Variants in IMPA2 observed in about 807,000 individuals in gnomAD.
IMPA2 encodes the protein inositol monophosphatase 2, also known as IMP 2.
A neutral mutation model predicts 35.1 loss-of-function variants in IMPA2; 32 were observed. The ratio of observed to expected loss-of-function variants is 0.91; its 90% CI spans 0.69 to 1.23. The LOEUF is 1.23. IMPA2 is among the 50% of genes most tolerant of loss of function. The probability of loss-of-function intolerance (pLI) is 0.00; values close to 1 mark genes in which losing one functional copy is unlikely to be tolerated. For synonymous variants in IMPA2, 135 were observed against 160.6 expected (o/e 0.84, Z 1.20); for missense variants, 334 against 387.6 (o/e 0.86, Z 1.16).
Position 12,030,546 on chromosome 18 carries a change from C to A in IMPA2, c.*88C>A. 1.0e-6 allele frequency: 1 copy of A among 972,130 alleles called. No homozygotes were observed. Among genetic ancestry groups the A allele is most frequent in the South Asian group, 1.4e-5 (1 of 72,636 alleles). The allele number at this position is 972,130 out of a possible 1,614,324, so 60.2% of individuals were successfully genotyped here. On this transcript the variant is annotated 3_prime_UTR_variant, in exon 8 of 8. Transcript: ENST00000269159. ...GGCCCTCGTGGCCCACGCTCCATGC[C>A]AGTGGCTCACGCTCTGCTCCTGGCT... is the stretch of plus-strand genomic sequence containing the variant.
chr18:12,009,351 G>T (rs1162940047), intron 2 of IMPA2, among the ~76,000 whole-genome samples: 1 of 152,190 alleles, frequency 6.6e-6, no homozygotes, highest in Non-Finnish European at 1.5e-5. Context: ...TGAACCAGCT[G>T]CGGGGGGGCT....
intron 3 of IMPA2, 121 bp from the exon 4 acceptor site, chr18:12,012,049 A>C: frequency 1.3e-6 from 1 of 798,678 alleles, no homozygotes; most frequent in Non-Finnish European, 2.1e-6. Context: ...GTTTTTAAAC[A>C]ACCAACCCAC....
rs185220265 is a variant in IMPA2, at chr18:11,993,135, A to G, written c.97-5919A>G. ...TTGTGGACCAAGACCTTTTCATACA[A>G]TACCTCATGTGATTCCTAAAACAAC... On this transcript the variant is annotated intron_variant, in intron 1 of 7. Transcript: ENST00000269159. Among the ~76,000 whole-genome samples the G allele has an allele frequency of 2.0e-3, 302 of 152,300 alleles. 5 individuals carry two copies. Among genetic ancestry groups the G allele is most frequent in the Admixed American group, 0.017 (264 of 15,302 alleles).
intron 7 of IMPA2, among the ~76,000 whole-genome samples, 182 bp from the exon 8 acceptor site, chr18:12,030,161 C>T (rs1908005889): frequency 6.6e-6 from 1 of 152,232 alleles, no homozygotes; most frequent in South Asian, 2.1e-4. Flanking sequence ...GCGGGAGAGG[C>T]TCCATCCCTC....
chr18:12,009,286 C>A (rs1364553335), intron 2 of IMPA2, among the ~76,000 whole-genome samples: 1 of 151,718 alleles, frequency 6.6e-6, no homozygotes, highest in Non-Finnish European at 1.5e-5. Context: ...TAAAAAACAA[C>A]AACAAAAAAA....
intron 2 of IMPA2, among the ~76,000 whole-genome samples, chr18:12,001,573 T>C (rs561801289): frequency 3.0e-4 from 46 of 152,306 alleles, no homozygotes; most frequent in African/African-American, 1.1e-3. Context: ...TGGTTCCATT[T>C]GTAAAAGGTA....
At chr18:12,027,879 G>A (rs1044937185) in intron 5 of IMPA2, among the ~76,000 whole-genome samples, 164 bp from the exon 6 acceptor site, 2 of 151,912 alleles carry the variant, frequency 1.3e-5, no homozygotes, top group African/African-American at 4.8e-5. Context: ...ACTGTGCCCG[G>A]TCCATCCTTA....
intron 1 of IMPA2, chr18:11,994,319 T>C (rs1906897151): frequency 6.6e-6 from 1 of 152,214 alleles, no homozygotes; most frequent in Admixed American, 6.5e-5. Flanking sequence ...AAGACTACAG[T>C]GAGCCAAGAT....
At chr18:12,017,312 C>G (rs1907605504) in intron 5 of IMPA2, among the ~76,000 whole-genome samples, 1 of 152,188 alleles carries the variant, frequency 6.6e-6, no homozygotes, top group Admixed American at 6.5e-5. Context: ...GAGCCAATCC[C>G]AGGCATCAGG....
At chr18:12,022,941 ATTTTTTTTT>A (rs35737614) in intron 5 of IMPA2, among the ~76,000 whole-genome samples, 872 of 81,720 alleles carry the variant, frequency 0.011, 7 homozygotes, top group South Asian at 0.028. Context: ...CGCCTGCCTA[ATTTTTTTTT>A]TTTTTTTTTT....
At chr18:11,982,111 C>G (rs767158059) in intron 1 of IMPA2, among the ~76,000 whole-genome samples, 1 of 152,158 alleles carries the variant, frequency 6.6e-6, no homozygotes, top group African/African-American at 2.4e-5. Context: ...ATTCAGCTCG[C>G]GGTAGGAAGC....
rs192566186 is a variant in IMPA2, at chr18:11,990,484, C to T, written c.97-8570C>T. On this transcript the variant is annotated intron_variant, in intron 1 of 7. Transcript: ENST00000269159. ...CAAAAGAGAACATAGCACCAAGGAC[C>T]TCCAAGAAATGCACTTTGGCTAAAG... 2.0e-5 allele frequency among the ~76,000 whole-genome samples: 3 copies of T among 152,242 alleles called. No individual in the cohort carries two copies. In the East Asian group the frequency reaches 5.8e-4, roughly 29 times the overall value.
chr18:12,009,047 C>T (rs1907359751), intron 2 of IMPA2, among the ~76,000 whole-genome samples: 1 of 152,178 alleles, frequency 6.6e-6, no homozygotes, highest in African/African-American at 2.4e-5. Flanking sequence ...CCTGCAGCCC[C>T]ACCCTTGCTT....
chr18:12,030,674 G>A lies in IMPA2; in HGVS notation c.*216G>A, dbSNP rs45610833. On this transcript the variant is annotated 3_prime_UTR_variant, in exon 8 of 8. Coordinates refer to ENST00000269159, the MANE Select transcript of IMPA2 (RefSeq NM_014214.3). ...TAGCTGTTTCTCTCTTTAATCTCAC[G>A]TAGCCTTTTTCAGGTTAGTACGTGT... 181 of 558,060 alleles carry A rather than the reference G, an allele frequency of 3.2e-4. No individual in the cohort carries two copies. The highest frequency in any genetic ancestry group is 4.3e-4 in the Non-Finnish European group (136 of 312,666). The allele number at this position is 558,060 out of a possible 1,614,324, so 34.6% of individuals were successfully genotyped here. A position where few individuals can be genotyped will look rare whatever the true frequency, so the allele number is the denominator to read the frequency against.
chr18:12,029,106 CTGTTT>C, intron 7 of IMPA2, 113 bp downstream of exon 7: 4 of 358,096 alleles, frequency 1.1e-5, no homozygotes, highest in Middle Eastern at 7.3e-4. Flanking sequence ...CCCAGAGTTT[CTGTTT>C]TTTTTTTTTT....
At chr18:11,982,255 AG>A (rs1168511017) in intron 1 of IMPA2, among the ~76,000 whole-genome samples, 2 of 152,204 alleles carry the variant, frequency 1.3e-5, no homozygotes, top group Non-Finnish European at 2.9e-5. Flanking sequence ...CCACGGACTC[AG>A]AGTTCAGGAG....
chr18:12,012,468 A>C (rs16976956), intron 4 of IMPA2: 74,595 of 520,322 alleles, frequency 0.14, 8,269 homozygotes, highest in East Asian at 0.47. Context: ...ACCGTGGTCT[A>C]TTTGTGACAC....
Position 12,030,407 on chromosome 18 carries a change from C to T in IMPA2, c.816C>T (p.Leu272=), listed in dbSNP as rs904289767. ...CCAGCACCCGGGAGATGGCGATGCT[C>T]ATAGCTCAGGCCTTACAGACGATTA... is the stretch of plus-strand genomic sequence containing the variant. ...VAASTREMAM[L]IAQALQTINY... The change falls in exon 8 of 8, where the codon CTC becomes CTT. Residue 272 remains leucine, a synonymous_variant. Coordinates refer to ENST00000269159, the MANE Select transcript of IMPA2 (RefSeq NM_014214.3). The T allele has an allele frequency of 1.9e-6, 3 of 1,614,224 alleles. 1 individual carries two copies. The highest frequency in any genetic ancestry group is 2.2e-5 in the South Asian group (2 of 91,084).
At chr18:12,021,014 G>A (rs1907713700) in intron 5 of IMPA2, among the ~76,000 whole-genome samples, 1 of 151,850 alleles carries the variant, frequency 6.6e-6, no homozygotes, top group East Asian at 1.9e-4. Context: ...GGGCTTGGAG[G>A]GCGGGGGTGG....
Sources: gnomAD v4.1 joint callset for allele counts (sites outside exome capture counted in the v4.1 genomes callset) on GRCh38, gnomAD v4.1.1 for gene constraint, MANE v1.5 for transcripts, NCBI Gene and HGNC (gene_info 2026-07-23, HGNC 2026-07-21) for gene names.